Variants in FRMD4A observed in about 807,000 individuals in gnomAD.
FRMD4A encodes the protein FERM domain-containing protein 4A.
FRMD4A carries 29 observed loss-of-function variants against 129.1 expected under a neutral mutation model. The observed-to-expected ratio is 0.22, with a 90% confidence interval of 0.17 to 0.31. The LOEUF is 0.31. Among genes scored for constraint, FRMD4A ranks in the 10% least tolerant of loss-of-function variants. FRMD4A has a pLI of 1.00. For synonymous variants in FRMD4A, 634 were observed against 571.6 expected, an observed-to-expected ratio of 1.11 and a Z score of -1.56; for missense variants, 1,272 against 1,375.8, an observed-to-expected ratio of 0.92 and a Z score of 1.19.
At chr10:13,833,834 A>T (rs187846029) in intron 3 of FRMD4A, among the ~76,000 whole-genome samples, 52 of 152,300 alleles carry the variant, frequency 3.4e-4, no homozygotes, top group African/African-American at 1.2e-3. Flanking sequence ...CGGCTATGAC[A>T]TAGTGGAGCT....
At chr10:13,676,751 G>A (rs1348162414) in intron 15 of FRMD4A, among the ~76,000 whole-genome samples, 1 of 152,178 alleles carries the variant, frequency 6.6e-6, no homozygotes, top group African/African-American at 2.4e-5. Flanking sequence ...CGCGAAAACT[G>A]TCCTAAAGAC....
intron 2 of FRMD4A, among the ~76,000 whole-genome samples, chr10:13,930,242 T>A (rs983764420): frequency 6.6e-6 from 1 of 152,194 alleles, no homozygotes; most frequent in Non-Finnish European, 1.5e-5. Flanking sequence ...AGGCTCTACC[T>A]CCTTCACTCA....
At chr10:14,179,492 T>C (rs924988402) in intron 2 of FRMD4A, among the ~76,000 whole-genome samples, 1 of 152,170 alleles carries the variant, frequency 6.6e-6, no homozygotes, top group Non-Finnish European at 1.5e-5. Flanking sequence ...CCTTTTTCTC[T>C]CTGCCTCAAC....
intron 4 of FRMD4A, 125 bp from the exon 5 acceptor site, chr10:13,796,713 A>G: frequency 1.7e-6 from 1 of 586,240 alleles, no homozygotes; most frequent in Non-Finnish European, 3.1e-6. Context: ...CCTTATTTTT[A>G]ATTTTTTTTT....
intron 4 of FRMD4A, among the ~76,000 whole-genome samples, chr10:13,800,298 A>G (rs1251345447): frequency 6.6e-5 from 10 of 152,224 alleles, no homozygotes; most frequent in Admixed American, 6.5e-4. Flanking sequence ...TAGGTGCTCA[A>G]AAGAAGTATT....
intron 2 of FRMD4A, among the ~76,000 whole-genome samples, chr10:14,039,207 T>C (rs1394756561): frequency 1.3e-5 from 2 of 150,854 alleles, no homozygotes; most frequent in Admixed American, 1.3e-4. Flanking sequence ...ATATGAGTTG[T>C]ACTTAGACTA....
At chr10:14,282,461 C>T (rs1236129932) in intron 2 of FRMD4A, among the ~76,000 whole-genome samples, 1 of 152,084 alleles carries the variant, frequency 6.6e-6, no homozygotes, top group East Asian at 1.9e-4. Flanking sequence ...TGAGTAATCG[C>T]CTTGCGTTAG....
At chr10:13,673,472 G>A (rs1374012530) in intron 16 of FRMD4A, among the ~76,000 whole-genome samples, 1 of 152,150 alleles carries the variant, frequency 6.6e-6, no homozygotes, top group Non-Finnish European at 1.5e-5. Context: ...ATTCTCAACT[G>A]TTTACCGGCG....
chr10:14,192,436 T>C (rs1001806128), intron 2 of FRMD4A, among the ~76,000 whole-genome samples: 2 of 152,232 alleles, frequency 1.3e-5, no homozygotes, highest in African/African-American at 4.8e-5. Flanking sequence ...AAATATACAT[T>C]CACATAACAA....
chr10:14,044,546 AC>A (rs1192929985), intron 2 of FRMD4A, among the ~76,000 whole-genome samples: 1 of 152,230 alleles, frequency 6.6e-6, no homozygotes, highest in African/African-American at 2.4e-5. Context: ...CCATATGAGG[AC>A]AGAGGCACAT....
At chr10:14,190,737 G>A (rs1842291502) in intron 2 of FRMD4A, among the ~76,000 whole-genome samples, 1 of 152,226 alleles carries the variant, frequency 6.6e-6, no homozygotes, top group Admixed American at 6.5e-5. Flanking sequence ...CTACTCACAA[G>A]GAGACAGGAG....
intron 2 of FRMD4A, among the ~76,000 whole-genome samples, chr10:14,073,819 C>T (rs895249671): frequency 6.6e-6 from 1 of 152,120 alleles, no homozygotes; most frequent in Non-Finnish European, 1.5e-5. Flanking sequence ...CCAAAAGTTC[C>T]TTTTAAATTT....
At chr10:13,734,862 ATTTATTTATTTAT>A (rs1012931318) in intron 12 of FRMD4A, among the ~76,000 whole-genome samples, 1 of 146,548 alleles carries the variant, frequency 6.8e-6, no homozygotes, top group African/African-American at 2.5e-5. Context: ...TTATTTATTT[ATTTATTTATTTAT>A]TTATTTATTT....
intron 3 of FRMD4A, among the ~76,000 whole-genome samples, chr10:13,847,208 C>T (rs901621270): frequency 7.9e-5 from 12 of 152,114 alleles, no homozygotes; most frequent in Admixed American, 7.2e-4. Flanking sequence ...GGGCTGCCAC[C>T]GAGGTGTTCA....
chr10:13,935,481 T>A (rs1384089985), intron 2 of FRMD4A, among the ~76,000 whole-genome samples: 12 of 136,806 alleles, frequency 8.8e-5, no homozygotes, highest in Admixed American at 3.0e-4. Flanking sequence ...AAAAAGTTGT[T>A]ACCAAATGAT....
At chr10:14,104,920 C>A (rs553269161) in intron 2 of FRMD4A, among the ~76,000 whole-genome samples, 1 of 152,142 alleles carries the variant, frequency 6.6e-6, no homozygotes, top group Non-Finnish European at 1.5e-5. Context: ...CCCTTAGATA[C>A]CTTCAAGGGC....
At chr10:14,321,299 T>C (rs961419559) in intron 2 of FRMD4A, among the ~76,000 whole-genome samples, 13 of 151,384 alleles carry the variant, frequency 8.6e-5, no homozygotes, top group African/African-American at 3.2e-4. Context: ...AAATATCATC[T>C]AGTGATAAGT....
chr10:13,713,392 T>C (rs1366156068), intron 12 of FRMD4A, among the ~76,000 whole-genome samples: 1 of 152,214 alleles, frequency 6.6e-6, no homozygotes, highest in Non-Finnish European at 1.5e-5. Context: ...TCAAGCTTCT[T>C]GTTCTGAGTC....
rs1564363086 is a variant in FRMD4A, at chr10:14,174,451, A to T, written c.45+155607T>A. On this transcript the variant is annotated intron_variant, in intron 2 of 24. Transcript: ENST00000357447. ...GGCAGCTCATCCAGGGCAGGAGGCGAGGGGGGCTGAGCCGGAGCATCCAGC... is the reference window on the plus strand; with the variant it reads ...GGCAGCTCATCCAGGGCAGGAGGCGTGGGGGGCTGAGCCGGAGCATCCAGC... Among the ~76,000 whole-genome samples, 4 of 152,164 alleles carry T rather than the reference A, an allele frequency of 2.6e-5. 1 individual carries two copies. The highest frequency in any genetic ancestry group is 2.0e-4 in the Admixed American group (3 of 15,284).
Sources: allele counts gnomAD v4.1 joint callset (sites outside exome capture counted in the v4.1 genomes callset), GRCh38; gene constraint gnomAD v4.1.1; transcripts MANE v1.5; gene names NCBI Gene and HGNC (gene_info 2026-07-23, HGNC 2026-07-21).